Variants in MAGI1 observed in about 807,000 individuals in gnomAD.
MAGI1 encodes the protein membrane-associated guanylate kinase, WW and PDZ domain-containing protein 1.
A neutral mutation model predicts 139.9 loss-of-function variants in MAGI1; 58 were observed. The ratio of observed to expected loss-of-function variants is 0.41; its 90% confidence interval spans 0.34 to 0.52. The LOEUF is 0.52. Among genes scored for constraint, MAGI1 ranks in the 20% least tolerant of loss-of-function variants. MAGI1 has a pLI of 0.12. For synonymous variants in MAGI1, 812 were observed against 737.9 expected, an observed-to-expected ratio of 1.10 and a Z score of -1.63; for missense variants, 1,874 against 1,901.6, an observed-to-expected ratio of 0.99 and a Z score of 0.27.
At chr3:65,859,635 C>T (rs966489449) in intron 1 of MAGI1, among the ~76,000 whole-genome samples, 1 of 151,520 alleles carries the variant, frequency 6.6e-6, no homozygotes, top group African/African-American at 2.4e-5. Flanking sequence ...GCAGGAGAAT[C>T]ACTCGAACCT....
chr3:65,727,296 C>T (rs370664461), intron 1 of MAGI1, among the ~76,000 whole-genome samples: 7 of 152,296 alleles, frequency 4.6e-5, no homozygotes, highest in South Asian at 2.1e-4. Context: ...AGTTTGAAAA[C>T]CACTGCTTTA....
chr3:65,376,579 C>T (rs1179933208), intron 17 of MAGI1, among the ~76,000 whole-genome samples: 2 of 152,202 alleles, frequency 1.3e-5, no homozygotes, highest in Non-Finnish European at 2.9e-5. Context: ...GCCAAGAAAG[C>T]ACCCAACCTT....
Position 65,656,653 on chromosome 3 carries a change from G to T in MAGI1, c.314-34565C>A, listed in dbSNP as rs372278489. Reference sequence around the variant, plus strand: ...GCCACCTAACAAAGATGGGAATAAAGGATATTTATTGTACTCCACATCAAA... The same window carrying T: ...GCCACCTAACAAAGATGGGAATAAATGATATTTATTGTACTCCACATCAAA... On this transcript the variant is annotated intron_variant, in intron 1 of 22. Transcript: ENST00000402939. Among the ~76,000 whole-genome samples the T allele has an allele frequency of 2.6e-5, 4 of 152,124 alleles. 1 individual carries two copies. In the East Asian group the frequency reaches 7.7e-4, roughly 29 times the overall value.
chr3:65,417,387 A>G (rs1946304964), intron 12 of MAGI1, among the ~76,000 whole-genome samples: 1 of 152,314 alleles, frequency 6.6e-6, no homozygotes, highest in South Asian at 2.1e-4. Context: ...CTCATAGCAA[A>G]GACTTTTCAA....
At chr3:65,388,782 C>T (rs533550978) in intron 14 of MAGI1, among the ~76,000 whole-genome samples, 6 of 150,990 alleles carry the variant, frequency 4.0e-5, no homozygotes, top group Admixed American at 1.3e-4. Context: ...CTGCTCTATC[C>T]GATTCCTTAG....
At chr3:65,764,684 CCTTTTT>C (rs1335540053) in intron 1 of MAGI1, among the ~76,000 whole-genome samples, 2 of 152,128 alleles carry the variant, frequency 1.3e-5, no homozygotes, top group African/African-American at 2.4e-5. Context: ...AAATCAGCTT[CCTTTTT>C]CTTTTTCTTT....
At chr3:65,937,339 G>A (rs1442631320) in intron 1 of MAGI1, among the ~76,000 whole-genome samples, 1 of 152,122 alleles carries the variant, frequency 6.6e-6, no homozygotes, top group Admixed American at 6.6e-5. Flanking sequence ...TCCAACGCTT[G>A]CTAGCTTTGT....
At chr3:65,608,475 A>C (rs2082867719) in intron 2 of MAGI1, among the ~76,000 whole-genome samples, 1 of 152,160 alleles carries the variant, frequency 6.6e-6, no homozygotes, top group Non-Finnish European at 1.5e-5. Context: ...ATGGAAAAAG[A>C]CTTGAATAAA....
intron 1 of MAGI1, among the ~76,000 whole-genome samples, chr3:65,740,453 G>A (rs1406062590): frequency 6.6e-6 from 1 of 152,100 alleles, no homozygotes; most frequent in Admixed American, 6.6e-5. Context: ...ATCTGAACCT[G>A]GAAAGCCCAA....
chr3:66,038,132 G>A lies in MAGI1; in HGVS notation c.177C>T (p.Gly59=). 2 of 1,612,040 alleles carry A rather than the reference G, an allele frequency of 1.2e-6. No individual in the cohort carries two copies. Among genetic ancestry groups the A allele is most frequent in the African/African-American group, 1.3e-5 (1 of 74,984 alleles). ...CCCCTTCGCCCAGCCTCGGGCCCTC[G>A]CCGCCGCCGGGAAGCCCCGCTGCCT... ...AVEAAGLPGG[G]EGPRLGEGEL... is the part of the protein sequence containing the mutation. Residue 59 remains glycine, a synonymous_variant, in exon 1 of 23, where the codon GGC becomes GGT. Transcript: ENST00000402939.
Position 65,909,986 on chromosome 3 carries a change from G to A in MAGI1, c.313+128010C>T, listed in dbSNP as rs554110433. ...CCCTCACATGTGCAGTTCACAACAG[G>A]GTTCACACTCCAATGAGAATCTAAT... On this transcript the variant is annotated intron_variant, in intron 1 of 22. Transcript: ENST00000402939. 3.9e-5 allele frequency among the ~76,000 whole-genome samples: 6 copies of A among 152,174 alleles called. No individual in the cohort carries two copies. The South Asian group carries it at 1.2e-3, about 32-fold the overall frequency.
intron 1 of MAGI1, among the ~76,000 whole-genome samples, chr3:65,760,472 T>C (rs140947296): frequency 8.4e-4 from 127 of 151,698 alleles, no homozygotes; most frequent in African/African-American, 3.1e-3. Context: ...CACAGCATCC[T>C]AAAACTCCTA....
intron 1 of MAGI1, among the ~76,000 whole-genome samples, chr3:65,660,156 G>T (rs866244122): frequency 6.6e-6 from 1 of 152,126 alleles, no homozygotes; most frequent in Non-Finnish European, 1.5e-5. Context: ...AGTTCATTGT[G>T]GTGAACTTTT....
chr3:65,749,260 G>A (rs2107814105), intron 1 of MAGI1, among the ~76,000 whole-genome samples: 1 of 152,294 alleles, frequency 6.6e-6, no homozygotes, highest in South Asian at 2.1e-4. Context: ...CATAAGAGCT[G>A]TTGTTACTGT....
chr3:65,901,359 A>G (rs1324824406), intron 1 of MAGI1, among the ~76,000 whole-genome samples: 1 of 152,184 alleles, frequency 6.6e-6, no homozygotes, highest in Non-Finnish European at 1.5e-5. Context: ...CCTCGGTGGA[A>G]GGGTGAGAGT....
intron 1 of MAGI1, chr3:65,718,380 G>A (rs1410315257): frequency 6.6e-6 from 1 of 152,126 alleles, no homozygotes; most frequent in African/African-American, 2.4e-5. Context: ...ACGAGATGGA[G>A]ATGAACCAAT....
At chr3:65,773,410 G>A (rs1372579402) in intron 1 of MAGI1, among the ~76,000 whole-genome samples, 3 of 152,108 alleles carry the variant, frequency 2.0e-5, no homozygotes, top group African/African-American at 7.2e-5. Flanking sequence ...GTGCATGCCT[G>A]TAGTCCCAGC....
At chr3:65,954,038 A>G (rs1249667209) in intron 1 of MAGI1, among the ~76,000 whole-genome samples, 1 of 152,106 alleles carries the variant, frequency 6.6e-6, no homozygotes, top group Non-Finnish European at 1.5e-5. Flanking sequence ...GTTAAATAAA[A>G]TGACTTCATT....
intron 1 of MAGI1, among the ~76,000 whole-genome samples, chr3:65,920,335 C>A (rs921141532): frequency 1.3e-5 from 2 of 152,136 alleles, no homozygotes; most frequent in African/African-American, 4.8e-5. Flanking sequence ...AAAACAAGGG[C>A]TCTAAAATTA....
Sources: gnomAD v4.1 joint callset for allele counts (sites outside exome capture counted in the v4.1 genomes callset) on GRCh38, gnomAD v4.1.1 for gene constraint, MANE v1.5 for transcripts, NCBI Gene and HGNC (gene_info 2026-07-23, HGNC 2026-07-21) for gene names.